The following IGFL4 variants were observed in gnomAD, a reference collection of about 807,000 sequenced individuals.
IGFL4 encodes the protein insulin growth factor-like family member 4.
Under a neutral mutation model 15.4 loss-of-function variants are expected in IGFL4, and 12 were observed. The observed-to-expected ratio is 0.78, with a 90% CI of 0.50 to 1.26. The LOEUF is 1.26. Among genes scored for constraint, IGFL4 ranks in the 50% most tolerant of loss-of-function variants. IGFL4 has a pLI of 0.00. For missense variants in IGFL4, 126 were observed against 147.8 expected, an observed-to-expected ratio of 0.85 and a Z score of 0.76; for synonymous variants, 54 against 55.9, an observed-to-expected ratio of 0.97 and a Z score of 0.16.
At chr19:46,062,006 G>A (rs1489658662) in intron 1 of IGFL4, among the ~76,000 whole-genome samples, 3 of 152,102 alleles carry the variant, frequency 2.0e-5, no homozygotes, top group Non-Finnish European at 2.9e-5. Flanking sequence ...GATTTTGAGA[G>A]GAATCTATCC....
chr19:46,066,165 A>G (rs936541874), intron 1 of IGFL4, among the ~76,000 whole-genome samples: 8 of 152,178 alleles, frequency 5.3e-5, no homozygotes, highest in African/African-American at 1.7e-4. Flanking sequence ...AAAGATCTTT[A>G]AACATCTTGA....
chr19:46,040,958 A>G lies in IGFL4; in HGVS notation c.5T>C (p.Val2Ala). The G allele has an allele frequency of 6.3e-7, 1 of 1,590,470 alleles. No individual in the cohort carries two copies. Among genetic ancestry groups the G allele is most frequent in the Non-Finnish European group, 8.5e-7 (1 of 1,170,400 alleles). M[V>A]PRISAAIFIF... ...GGTCTCCTTACCAGAAATTCTGGGC[A>G]CCATGGGTTAGGCTTCAGAGCAGCG... The change falls in exon 1 of 4, where the codon GTG (valine) becomes GCG (alanine). Residue 2 changes from valine to alanine, a missense_variant. Physicochemically the swap from Val to Ala is moderately conservative, Grantham distance 64. Transcript: ENST00000377697. This position sits in a 1 kb window ranked among gnomAD's most constrained non-coding sequence, Gnocchi z 4.1.
chr19:46,076,326 C>G (rs1165932278), intron 1 of IGFL4, among the ~76,000 whole-genome samples: 4 of 152,228 alleles, frequency 2.6e-5, no homozygotes. Context: ...TCATTTCTTG[C>G]TCAAATTGTT....
chr19:46,056,497 C>T (rs757242522), intron 2 of IGFL4, among the ~76,000 whole-genome samples: 1 of 152,206 alleles, frequency 6.6e-6, no homozygotes, highest in Non-Finnish European at 1.5e-5. Flanking sequence ...ATCTCCTCCA[C>T]TCGCTCCCTA....
At position 46,047,487 on chromosome 19, in the gene IGFL4, T is replaced by G. The variant is rs148015322; in HGVS notation, c.-322-6377A>C. 9.2e-3 allele frequency among the ~76,000 whole-genome samples: 1,391 copies of G among 152,006 alleles called. 17 individuals carry two copies. The highest frequency in any genetic ancestry group is 0.031 in the African/African-American group (1,296 of 41,420). On this transcript the variant is annotated intron_variant, in intron 2 of 5. Transcript: ENST00000601672. ...AAAAAATTAATGAATCCAGGAGCTG[T>G]TTTTTTGAAAAAATTTATAAAATAG...
intron 1 of IGFL4, among the ~76,000 whole-genome samples, chr19:46,069,163 T>G (rs1172103240): frequency 6.6e-6 from 1 of 152,176 alleles, no homozygotes; most frequent in Non-Finnish European, 1.5e-5. Flanking sequence ...TGGAGGACTT[T>G]GTTCTAGAGC....
intron 1 of IGFL4, among the ~76,000 whole-genome samples, chr19:46,063,942 C>T (rs1386102210): frequency 3.3e-5 from 5 of 152,006 alleles, no homozygotes; most frequent in East Asian, 1.9e-4. Flanking sequence ...CATAGTGGCA[C>T]GTGCCTGTAA....
chr19:46,059,598 G>C (rs1162504919), intron 2 of IGFL4: 2 of 152,080 alleles, frequency 1.3e-5, no homozygotes, highest in African/African-American at 4.8e-5. Flanking sequence ...CAACTGATGA[G>C]ATTAGAATCT....
rs376658256 is a variant in IGFL4 at position 46,051,132 on chromosome 19, C to A, written c.-323+9053G>T. On this transcript the variant is annotated intron_variant, in intron 2 of 5. Coordinates refer to the IGFL4 transcript ENST00000601672. ...GGCAAACAAATGCTGAGAAAATTCA[C>A]TACTACCAAGCCAGCACTACAAGAA... Among the ~76,000 whole-genome samples the A allele has an allele frequency of 1.7e-3, 255 of 152,306 alleles. 1 individual carries two copies. Among genetic ancestry groups the A allele is most frequent in the African/African-American group, 5.8e-3 (239 of 41,554 alleles).
intron 1 of IGFL4, among the ~76,000 whole-genome samples, chr19:46,064,084 A>AG (rs1969472433): frequency 6.6e-6 from 1 of 151,772 alleles, no homozygotes; most frequent in African/African-American, 2.4e-5. Flanking sequence ...AAAAAAAAAA[A>AG]AATTCCAACA....
chr19:46,041,822 C>T (rs1969246550), upstream of IGFL4, among the ~76,000 whole-genome samples: 1 of 148,074 alleles, frequency 6.8e-6, no homozygotes, highest in African/African-American at 2.5e-5. Flanking sequence ...TCTCTTCCTC[C>T]TCCCTCCTCT....
At chr19:46,054,511 C>T (rs202207764) in intron 2 of IGFL4, among the ~76,000 whole-genome samples, 3 of 152,102 alleles carry the variant, frequency 2.0e-5, no homozygotes, top group South Asian at 4.1e-4. Context: ...ACGACAGCTT[C>T]GTAGTATATT....
chr19:46,053,788 T>G (rs2146517968), intron 2 of IGFL4, among the ~76,000 whole-genome samples: 1 of 152,296 alleles, frequency 6.6e-6, no homozygotes, highest in Non-Finnish European at 1.5e-5. Flanking sequence ...AGCATTATTT[T>G]TTATCTTTTT....
chr19:46,046,510 A>G (rs1201162184), intron 2 of IGFL4, among the ~76,000 whole-genome samples: 1 of 152,214 alleles, frequency 6.6e-6, no homozygotes. Context: ...TCTTCGAGAG[A>G]CCCATCTCAC....
intron 2 of IGFL4, among the ~76,000 whole-genome samples, chr19:46,048,103 G>A (rs1969313171): frequency 1.3e-5 from 2 of 152,144 alleles, no homozygotes; most frequent in South Asian, 4.1e-4. Context: ...GGGATGCAAG[G>A]TTGGTTCAAC....
intron 1 of IGFL4, among the ~76,000 whole-genome samples, chr19:46,070,552 G>A (rs1969536469): frequency 6.6e-6 from 1 of 151,944 alleles, no homozygotes; most frequent in Admixed American, 6.6e-5. Flanking sequence ...TGATTGTGCA[G>A]AGTCCAGAAA....
At position 46,060,525 on chromosome 19, in the gene IGFL4, T is replaced by G. The variant is rs553613104; in HGVS notation, c.-431-232A>C. Among the ~76,000 whole-genome samples the G allele has an allele frequency of 1.4e-3, 212 of 152,356 alleles. 2 individuals carry two copies. The highest frequency in any genetic ancestry group is 4.9e-3 in the African/African-American group (204 of 41,572). ...ATATCTGCTAGAGTCCTATAGCTGA[T>G]TACAAACCACCTTTTGAAGAGGATT... On this transcript the variant is annotated intron_variant, in intron 1 of 5. Coordinates refer to the IGFL4 transcript ENST00000601672.
At chr19:46,063,504 C>G (rs970127962) in intron 1 of IGFL4, among the ~76,000 whole-genome samples, 2 of 152,168 alleles carry the variant, frequency 1.3e-5, no homozygotes, top group African/African-American at 4.8e-5. Flanking sequence ...TCTTTACTTT[C>G]CCTACATGCA....
chr19:46,067,465 C>T (rs1029103520), intron 1 of IGFL4, among the ~76,000 whole-genome samples: 1 of 152,118 alleles, frequency 6.6e-6, no homozygotes, highest in African/African-American at 2.4e-5. Flanking sequence ...GCCCCTACCC[C>T]GATGAGCCTG....
Sources: gnomAD v4.1 joint callset for allele counts (sites outside exome capture counted in the v4.1 genomes callset) on GRCh38, gnomAD v4.1.1 for gene constraint, Gnocchi (gnomAD v3.1) non-coding constraint, MANE v1.5 for transcripts, NCBI Gene and HGNC (gene_info 2026-07-23, HGNC 2026-07-21) for gene names.